The following EFR3A variants were observed in gnomAD, a reference collection of about 807,000 sequenced individuals.
EFR3A encodes EFR3 homolog A.
EFR3A carries 76 observed loss-of-function variants against 104.4 expected under a neutral mutation model. The observed-to-expected ratio is 0.73, with a 90% CI of 0.60 to 0.88. The LOEUF is 0.88. EFR3A is among the 40% of genes least tolerant of loss of function. The pLI, the probability that EFR3A is intolerant of heterozygous loss-of-function variation, is 0.00. For synonymous variants in EFR3A, 330 were observed against 330.0 expected, an observed-to-expected ratio of 1.00 and a Z score of 0.00; for missense variants, 985 against 1,012.5, an observed-to-expected ratio of 0.97 and a Z score of 0.37.
At chr8:131,977,658 A>T (rs573752084) in intron 12 of EFR3A, among the ~76,000 whole-genome samples, 7 of 152,340 alleles carry the variant, frequency 4.6e-5, no homozygotes, top group African/African-American at 1.7e-4. Context: ...GCGTCCTCTC[A>T]AAATCAGTAT....
chr8:132,009,476 A>G lies in EFR3A; in HGVS notation c.2361-1314A>G, dbSNP rs529290374. On this transcript the variant is annotated intron_variant, in intron 22 of 22. Transcript: ENST00000254624. The stretch of plus-strand genomic sequence containing the variant: ...CAAGGGAGTATTTGCCTTGCTTGGT[A>G]GAAAAACATATGACAGATCTTTGGT... Among the ~76,000 whole-genome samples the G allele has an allele frequency of 8.9e-4, 136 of 152,242 alleles. 1 individual carries two copies. The South Asian group carries it at 0.012, about 13-fold the overall frequency.
chr8:131,996,473 C>A lies in EFR3A; in HGVS notation c.2133C>A (p.Ser711=). 1 of 1,598,278 alleles carries A rather than the reference C, an allele frequency of 6.3e-7. No homozygotes were observed. The highest frequency in any genetic ancestry group is 2.3e-5 in the East Asian group (1 of 44,234). The change falls in exon 19 of 23, where the codon TCC becomes TCA. Residue 711 remains serine, a synonymous_variant. Coordinates refer to ENST00000254624, the MANE Select transcript of EFR3A (RefSeq NM_015137.6). ...DTVSIQVDIL[S]NNVPSDDVVS... is the part of the protein sequence containing the mutation. ...TATCCATTCAGGTGGATATTTTATCCAACAATGTTCCTTCTGATGATGTGG... is the reference window on the plus strand; with the variant it reads ...TATCCATTCAGGTGGATATTTTATCAAACAATGTTCCTTCTGATGATGTGG...
chr8:131,915,704 T>TA (rs1183485928), intron 1 of EFR3A, among the ~76,000 whole-genome samples: 6 of 152,216 alleles, frequency 3.9e-5, no homozygotes, highest in South Asian at 2.1e-4. Flanking sequence ...ATACTACAGA[T>TA]ACAGTGGTCA....
At position 131,999,629 on chromosome 8, in the gene EFR3A, G is replaced by A. The variant is rs993958184; in HGVS notation, c.2158-2130G>A. Among the ~76,000 whole-genome samples, 6 of 151,668 alleles carry A rather than the reference G, an allele frequency of 4.0e-5. No homozygotes were observed. The South Asian group carries it at 8.3e-4, about 21-fold the overall frequency. On this transcript the variant is annotated intron_variant, in intron 19 of 22. Coordinates refer to ENST00000254624, the MANE Select transcript of EFR3A (RefSeq NM_015137.6). ...TTTAGTAGCTCACCAAATAAAGTAC[G>A]TAGCTTGTATTTACCAGCTATGGTA...
At chr8:131,954,231 T>C (rs1161359916) in intron 6 of EFR3A, among the ~76,000 whole-genome samples, 2 of 152,134 alleles carry the variant, frequency 1.3e-5, no homozygotes, top group Non-Finnish European at 2.9e-5. Flanking sequence ...CACCAACTAT[T>C]GAATATCCAA....
rs773143580 is a variant in EFR3A at position 131,984,909 on chromosome 8, G to A, written c.1738-20G>A. On this transcript the variant is annotated intron_variant, in intron 15 of 22. Coordinates refer to ENST00000254624, the MANE Select transcript of EFR3A (RefSeq NM_015137.6). ...AGTATAAGAACTTGATCTCTCTGAT[G>A]TGTTTGTTTCTTATTAAAGGACAGT... 3.1e-6 allele frequency: 5 copies of A among 1,607,154 alleles called. No individual in the cohort carries two copies. The highest frequency in any genetic ancestry group is 3.4e-5 in the Admixed American group (2 of 59,498).
intron 1 of EFR3A, among the ~76,000 whole-genome samples, chr8:131,917,375 T>G (rs1407664604): frequency 6.6e-6 from 1 of 151,672 alleles, no homozygotes; most frequent in Non-Finnish European, 1.5e-5. Context: ...CAGGCTCTAT[T>G]CTCTGTTTTC....
intron 3 of EFR3A, among the ~76,000 whole-genome samples, chr8:131,946,213 A>G (rs10104261): frequency 5.1e-4 from 77 of 152,034 alleles, no homozygotes; most frequent in Non-Finnish European, 9.4e-4. Flanking sequence ...AAAGAAAAAT[A>G]TACACAAAGT....
intron 9 of EFR3A, 95 bp from the exon 10 acceptor site, chr8:131,970,381 A>C (rs1819981350): frequency 2.5e-6 from 3 of 1,194,714 alleles, no homozygotes; most frequent in African/African-American, 1.6e-5. Flanking sequence ...ACTATTTAGA[A>C]AATTACAGAA....
chr8:131,955,361 T>C (rs960181349), intron 6 of EFR3A, among the ~76,000 whole-genome samples: 1 of 152,180 alleles, frequency 6.6e-6, no homozygotes, highest in Admixed American at 6.5e-5. Flanking sequence ...ATTTTATTTT[T>C]TATTTACAGG....
At chr8:131,968,761 G>A (rs1279502069) in intron 9 of EFR3A, among the ~76,000 whole-genome samples, 1 of 152,158 alleles carries the variant, frequency 6.6e-6, no homozygotes, top group Non-Finnish European at 1.5e-5. Flanking sequence ...ACTGTAATAT[G>A]TGGCAAGCTT....
chr8:132,010,045 ATACT>A (rs1436776458), intron 22 of EFR3A, among the ~76,000 whole-genome samples: 1 of 152,042 alleles, frequency 6.6e-6, no homozygotes, highest in African/African-American at 2.4e-5. Flanking sequence ...TACTACAAAG[ATACT>A]TACCATTAAT....
At chr8:131,940,181 G>A (rs953684124) in intron 1 of EFR3A, 3 of 278,434 alleles carry the variant, frequency 1.1e-5, no homozygotes, top group Admixed American at 9.1e-5. Context: ...GGTGGGTGGG[G>A]GTATGCCGGA....
At chr8:132,000,279 C>T (rs1397813008) in intron 19 of EFR3A, among the ~76,000 whole-genome samples, 1 of 152,046 alleles carries the variant, frequency 6.6e-6, no homozygotes, top group African/African-American at 2.4e-5. Context: ...CAGGCGCCTG[C>T]CACCATGCCC....
At chr8:131,931,340 G>T (rs1817600124) in intron 1 of EFR3A, among the ~76,000 whole-genome samples, 1 of 152,084 alleles carries the variant, frequency 6.6e-6, no homozygotes, top group African/African-American at 2.4e-5. Flanking sequence ...TGTTGATTTT[G>T]TTAGGGAGTT....
chr8:131,943,397 C>T (rs527811113), intron 2 of EFR3A, among the ~76,000 whole-genome samples: 12 of 151,942 alleles, frequency 7.9e-5, no homozygotes, highest in African/African-American at 2.7e-4. Context: ...AGGAGAGACA[C>T]AATTTTATTT....
chr8:131,932,718 T>C (rs1247874893), intron 1 of EFR3A, among the ~76,000 whole-genome samples: 1 of 152,130 alleles, frequency 6.6e-6, no homozygotes, highest in Non-Finnish European at 1.5e-5. Context: ...GGAAACTGTC[T>C]CCATAATGAC....
chr8:131,916,534 T>C (rs1816752683), intron 1 of EFR3A, among the ~76,000 whole-genome samples: 1 of 152,178 alleles, frequency 6.6e-6, no homozygotes, highest in Non-Finnish European at 1.5e-5. Context: ...ATTCATGTTA[T>C]GTTTGTAGGA....
At chr8:131,978,743 C>T in intron 12 of EFR3A, 104 bp from the exon 13 acceptor site, 1 of 885,750 alleles carries the variant, frequency 1.1e-6, no homozygotes. Flanking sequence ...AGGCTTCTGT[C>T]CATATTTTCT....
Sources: allele counts gnomAD v4.1 joint callset (sites outside exome capture counted in the v4.1 genomes callset), GRCh38; gene constraint gnomAD v4.1.1; transcripts MANE v1.5; gene names NCBI Gene and HGNC (gene_info 2026-07-23, HGNC 2026-07-21).